KNOP1: variants seen among roughly 807,000 people sequenced by gnomAD.
KNOP1 encodes the protein lysine-rich nucleolar protein 1.
In KNOP1, 20 loss-of-function variants were observed where a neutral mutation model predicts 30.6. The observed-to-expected ratio is 0.65, with a 90% CI of 0.46 to 0.95. The LOEUF (loss-of-function observed/expected upper bound fraction) is 0.95. Among genes scored for constraint, KNOP1 ranks in the 40% least tolerant of loss-of-function variants. The pLI is 0.00. For missense variants in KNOP1, 540 were observed against 562.0 expected (o/e 0.96, Z 0.40); for synonymous variants, 204 against 210.0 (o/e 0.97, Z 0.25).
At position 19,703,301 on chromosome 16, in the gene KNOP1, C is replaced by G. The variant is rs909639057; in HGVS notation, c.*3609G>C. On this transcript the variant is annotated 3_prime_UTR_variant, in exon 5 of 5. Transcript: ENST00000219837. Reference sequence around the variant, plus strand: ...GACCCTTCCCTTCCCATCTTCAAAACCAGCAGTGTCTAGTCAAGTCTTTCT... The same window carrying G: ...GACCCTTCCCTTCCCATCTTCAAAAGCAGCAGTGTCTAGTCAAGTCTTTCT... The G allele has an allele frequency of 6.6e-6, 1 of 152,206 alleles. No homozygotes were observed. Among genetic ancestry groups the G allele is most frequent in the South Asian group, 2.1e-4 (1 of 4,824 alleles). 9.4% of individuals were successfully genotyped at this position (152,206 alleles called of 1,614,324 possible).
Position 19,710,574 on chromosome 16 carries a change from C to T in KNOP1, c.1000G>A (p.Ala334Thr), listed in dbSNP as rs765663627. The change falls in exon 4 of 5, where the codon GCC (alanine) becomes ACC (threonine). Residue 334 changes from alanine (A) to threonine (T), a missense_variant. Ala to Thr is a moderately conservative substitution (Grantham distance 58). Transcript: ENST00000219837. ...EAHIDQVRRK[A>T]LQEEIDRESG... ...TCGCGATCGATCTCTTCTTGCAAGG[C>T]CTTTCGCCTCACCTGAGCAAGAAGG... 1.7e-5 allele frequency: 27 copies of T among 1,612,206 alleles called. 1 individual carries two copies. The South Asian group carries it at 2.6e-4, about 16-fold the overall frequency.
intron 3 of KNOP1, among the ~76,000 whole-genome samples, chr16:19,711,069 T>C (rs1388093050): frequency 6.6e-6 from 1 of 152,222 alleles, no homozygotes; most frequent in Non-Finnish European, 1.5e-5. Flanking sequence ...GGTGGCAGCA[T>C]GTGTCACCTG....
At position 19,705,890 on chromosome 16, in the gene KNOP1, T is replaced by C; in HGVS notation, c.*1020A>G. On this transcript the variant is annotated 3_prime_UTR_variant, in exon 5 of 5. Coordinates refer to ENST00000219837, the MANE Select transcript of KNOP1 (RefSeq NM_001012991.3). ...CTGGGTGACAGAGTGAGAGCCTATC[T>C]CAAAACACACACACACGTCCCTGGG... is the stretch of plus-strand genomic sequence containing the variant. 1 of 152,460 alleles carries C rather than the reference T, an allele frequency of 6.6e-6. No homozygotes were observed. Among genetic ancestry groups the C allele is most frequent in the Non-Finnish European group, 1.5e-5 (1 of 68,150 alleles). The allele number at this position is 152,460 out of a possible 1,614,324, so 9.4% of individuals were successfully genotyped here.
In KNOP1 at chr16:19,714,182, G is replaced by C. The variant is rs756990004; in HGVS notation, c.854C>G (p.Ala285Gly). 1 of 1,614,012 alleles carries C rather than the reference G, an allele frequency of 6.2e-7. No homozygotes were observed. Among genetic ancestry groups the C allele is most frequent in the Admixed American group, 1.7e-5 (1 of 60,010 alleles). The change falls in exon 2 of 5, where the codon GCT becomes GGT. Residue 285 changes from alanine (A) to glycine (G), a missense_variant. Transcript: ENST00000219837. The stretch of plus-strand genomic sequence containing the variant: ...CTTCTTCTTTTTCTTCCTTTTCAGA[G>C]CTGGCTCCTCGATGACTGGCTGCTC... ...KVEQPVIEEP[A>G]LKRKKKKKRK...
rs1977306388 is a variant in KNOP1, at chr16:19,718,184, C to T, written c.-29G>A. 4 of 1,493,824 alleles carry T rather than the reference C, an allele frequency of 2.7e-6. No individual in the cohort carries two copies. The highest frequency in any genetic ancestry group is 2.7e-6 in the Non-Finnish European group (3 of 1,126,210). 92.5% of individuals were successfully genotyped at this position (1,493,824 alleles called of 1,614,324 possible). On this transcript the variant is annotated 5_prime_UTR_variant, in exon 1 of 5. The change creates a new upstream start codon in the 5' untranslated region. Transcript: ENST00000219837. ...GGTGGGCGAAATTTCCCCGCCTCCACGTGAGAGCCAGCTCCGCCGTGACCC... is the reference window on the plus strand; with the variant it reads ...GGTGGGCGAAATTTCCCCGCCTCCATGTGAGAGCCAGCTCCGCCGTGACCC...
At position 19,707,231 on chromosome 16, in the gene KNOP1, G is replaced by A. The variant is rs1366032304; in HGVS notation, c.1066-10C>T. 1.2e-6 allele frequency: 2 copies of A among 1,602,672 alleles called. No homozygotes were observed. ...GGCCAAACTGGGTTCCCTGTGAGGA[G>A]AGGAAAAAGGTGGCTATTTTCCTTG... On this transcript the variant is annotated splice_polypyrimidine_tract_variant and intron_variant, in intron 4 of 4. Coordinates refer to ENST00000219837, the MANE Select transcript of KNOP1 (RefSeq NM_001012991.3).
rs1976199379 is a variant in KNOP1 at position 19,702,449 on chromosome 16, T to TA, written c.*4460dup. The TA allele has an allele frequency of 6.6e-6, 1 of 152,228 alleles. No individual in the cohort carries two copies. The highest frequency in any genetic ancestry group is 1.5e-5 in the Non-Finnish European group (1 of 68,050). 9.4% of individuals were successfully genotyped at this position (152,228 alleles called of 1,614,324 possible). A position where few individuals can be genotyped will look rare whatever the true frequency, so the allele number is the denominator to read the frequency against. ...TCCCAAGCCTAGGCCAGTGAATTCTTACCGCTCTCACATTACACCTGAACT... is the reference window on the plus strand; with the variant it reads ...TCCCAAGCCTAGGCCAGTGAATTCTTAACCGCTCTCACATTACACCTGAACT... On this transcript the variant is annotated 3_prime_UTR_variant, in exon 5 of 5. Transcript: ENST00000219837.
intron 1 of KNOP1, among the ~76,000 whole-genome samples, chr16:19,715,936 A>G (rs1274462355): frequency 6.6e-6 from 1 of 152,204 alleles, no homozygotes; most frequent in Non-Finnish European, 1.5e-5. Context: ...CCCAGAATCT[A>G]GAAGCAAAAT....
rs551305281 is a variant in KNOP1 at position 19,702,747 on chromosome 16, C to T, written c.*4163G>A. On this transcript the variant is annotated 3_prime_UTR_variant, in exon 5 of 5. Coordinates refer to ENST00000219837, the MANE Select transcript of KNOP1 (RefSeq NM_001012991.3). ...GTGGCTCATGCCTGTAATACCAACA[C>T]TTTGGGAGGCTGAGGTAGGTGGATC... 6.6e-6 allele frequency: 1 copy of T among 152,192 alleles called. No individual in the cohort carries two copies. The highest frequency in any genetic ancestry group is 1.9e-4 in the East Asian group (1 of 5,170). The allele number at this position is 152,192 out of a possible 1,614,324, so 9.4% of individuals were successfully genotyped here.
At chr16:19,712,552 A>C (rs1277672526) in intron 2 of KNOP1, among the ~76,000 whole-genome samples, 1 of 152,148 alleles carries the variant, frequency 6.6e-6, no homozygotes, top group Non-Finnish European at 1.5e-5. Context: ...TCCCAACTCC[A>C]CCTCTTGCCA....
Position 19,707,112 on chromosome 16 carries a change from C to T in KNOP1, c.1175G>A (p.Arg392His), listed in dbSNP as rs1367727128. 71 of 1,613,952 alleles carry T rather than the reference C, an allele frequency of 4.4e-5. No homozygotes were observed. The highest frequency in any genetic ancestry group is 5.2e-5 in the Non-Finnish European group (61 of 1,180,014). Reference sequence around the variant, plus strand: ...GGGCCTTGCAATCGTGCTGGCGGGGCGGCTGAACGAAGGGGACAGGTTTTT... The same window carrying T: ...GGGCCTTGCAATCGTGCTGGCGGGGTGGCTGAACGAAGGGGACAGGTTTTT... ...GFKNLSPSFSRPASTIARPNM... is the reference protein window; with the variant it reads ...GFKNLSPSFSHPASTIARPNM... The change falls in exon 5 of 5, where the codon CGC becomes CAC. Residue 392 changes from arginine to histidine, a missense_variant. Coordinates refer to ENST00000219837, the MANE Select transcript of KNOP1 (RefSeq NM_001012991.3).
Position 19,714,349 on chromosome 16 carries a change from G to A in KNOP1, c.687C>T (p.Ser229=), listed in dbSNP as rs1254816964. ...TGCTCTCCATGGACCTGGAGGGCTT[G>A]GAGTGGCCTGGGAGGGCATCTCCCT... ...HQEGDALPGH[S]KPSRSMESSP... is the part of the protein sequence containing the mutation. Residue 229 remains serine (S), a synonymous_variant, in exon 2 of 5, where the codon TCC becomes TCT. Transcript: ENST00000219837. 2.5e-6 allele frequency: 4 copies of A among 1,613,852 alleles called. No individual in the cohort carries two copies. The highest frequency in any genetic ancestry group is 1.3e-5 in the African/African-American group (1 of 74,872).
At position 19,710,499 on chromosome 16, in the gene KNOP1, C is replaced by T; in HGVS notation, c.1065+10G>A. On this transcript the variant is annotated intron_variant, in intron 4 of 4. Coordinates refer to ENST00000219837, the MANE Select transcript of KNOP1 (RefSeq NM_001012991.3). The stretch of plus-strand genomic sequence containing the variant: ...GCCACCTCCTCGCAGAGCCCTAGCC[C>T]CAAACTTACCGTCCACTTCCTGGTT... The T allele has an allele frequency of 6.2e-7, 1 of 1,613,224 alleles. No homozygotes were observed. Among genetic ancestry groups the T allele is most frequent in the Admixed American group, 1.7e-5 (1 of 60,030 alleles).
chr16:19,704,762 T>G lies in KNOP1; in HGVS notation c.*2148A>C, dbSNP rs1180967846. 1 of 171,670 alleles carries G rather than the reference T, an allele frequency of 5.8e-6. No individual in the cohort carries two copies. The highest frequency in any genetic ancestry group is 1.7e-4 in the East Asian group (1 of 5,954). 10.6% of individuals were successfully genotyped at this position (171,670 alleles called of 1,614,324 possible). A position where few individuals can be genotyped will look rare whatever the true frequency, so the allele number is the denominator to read the frequency against. ...TCCACGGCCTCTCCCATTATGTATC[T>G]CAAGGTTGAATCCAGGAAAGAAAGG... is the stretch of plus-strand genomic sequence containing the variant. On this transcript the variant is annotated 3_prime_UTR_variant, in exon 5 of 5. Coordinates refer to ENST00000219837, the MANE Select transcript of KNOP1 (RefSeq NM_001012991.3).
At chr16:19,708,112 T>G (rs1976512564) in intron 4 of KNOP1, among the ~76,000 whole-genome samples, 2 of 150,656 alleles carry the variant, frequency 1.3e-5, no homozygotes, top group African/African-American at 2.4e-5. Context: ...GCCTAACGTT[T>G]GGGTGAATTG....
At position 19,714,780 on chromosome 16, in the gene KNOP1, T is replaced by C. The variant is rs1446230199; in HGVS notation, c.256A>G (p.Thr86Ala). The change falls in exon 2 of 5, where the codon ACC becomes GCC. Residue 86 changes from threonine to alanine, a missense_variant. Thr to Ala is a moderately conservative substitution (Grantham distance 58). Transcript: ENST00000219837. The stretch of plus-strand genomic sequence containing the variant: ...TCTGTCCGTCTAGCAGGCAGCGTGG[T>C]CTCAGGTTCTACATGCTCCTCGCAA... ...TLCEEHVEPETTLPARRTEKS... is the reference protein window; with the variant it reads ...TLCEEHVEPEATLPARRTEKS... The C allele has an allele frequency of 2.5e-6, 4 of 1,614,216 alleles. No individual in the cohort carries two copies. Among genetic ancestry groups the C allele is most frequent in the Non-Finnish European group, 8.5e-7 (1 of 1,180,036 alleles).
At chr16:19,717,701 C>G in intron 1 of KNOP1, 1 of 987,528 alleles carries the variant, frequency 1.0e-6, no homozygotes, top group South Asian at 4.7e-5. Context: ...CCAGGGACAG[C>G]CTTGTGAAGA....
intron 1 of KNOP1, 45 bp downstream of exon 1, chr16:19,718,113 T>G: frequency 6.9e-7 from 1 of 1,443,922 alleles, no homozygotes; most frequent in Non-Finnish European, 9.0e-7. Context: ...TGGTGCAATC[T>G]CCACACCCCG....
chr16:19,713,584 G>A (rs1385283420), intron 2 of KNOP1, among the ~76,000 whole-genome samples: 4 of 152,132 alleles, frequency 2.6e-5, no homozygotes, highest in Non-Finnish European at 4.4e-5. Flanking sequence ...GGAGGAGGAT[G>A]GGCCATAAAC....
Sources: gnomAD v4.1 joint callset for allele counts (sites outside exome capture counted in the v4.1 genomes callset) on GRCh38, gnomAD v4.1.1 for gene constraint, MANE v1.5 for transcripts, NCBI Gene and HGNC (gene_info 2026-07-23, HGNC 2026-07-21) for gene names.